GALNT18: variants seen among roughly 807,000 people sequenced by gnomAD.
The protein encoded by GALNT18 is polypeptide N-acetylgalactosaminyltransferase 18.
GALNT18 carries 44 observed loss-of-function variants against 69.5 expected under a neutral mutation model. The observed-to-expected ratio is 0.63, with a 90% CI of 0.50 to 0.81. GALNT18 has a LOEUF of 0.81. Ranked by LOEUF, GALNT18 falls within the 40% of genes least tolerant of loss-of-function variation. The probability of loss-of-function intolerance (pLI) is 0.00; values close to 1 mark genes in which losing one functional copy is unlikely to be tolerated. For synonymous variants in GALNT18, 364 were observed against 318.2 expected (o/e 1.14, Z -1.53); for missense variants, 715 against 810.0 (o/e 0.88, Z 1.42).
rs1048994718 is a variant in GALNT18 at position 11,314,916 on chromosome 11, G to A, written c.1512+12170C>T. Among the ~76,000 whole-genome samples the A allele has an allele frequency of 6.6e-6, 1 of 152,194 alleles. No homozygotes were observed. The highest frequency in any genetic ancestry group is 2.1e-4 in the South Asian group (1 of 4,832). The stretch of plus-strand genomic sequence containing the variant: ...TGGCCTACACACTCAACTATTGGTG[G>A]TGGGGCCTAGGGATATCTTTACATG... On this transcript the variant is annotated intron_variant, in intron 9 of 10. Transcript: ENST00000227756. This position sits in a 1 kb window ranked among gnomAD's most constrained non-coding sequence, Gnocchi z 5.2.
intron 1 of GALNT18, among the ~76,000 whole-genome samples, chr11:11,560,910 G>C (rs1398715727): frequency 3.9e-5 from 6 of 152,198 alleles, no homozygotes; most frequent in Non-Finnish European, 8.8e-5. Flanking sequence ...CTGGGGAGTG[G>C]CAAAGCCTAC....
chr11:11,384,271 G>GT (rs1490788699), intron 3 of GALNT18, among the ~76,000 whole-genome samples: 1 of 152,098 alleles, frequency 6.6e-6, no homozygotes, highest in East Asian at 1.9e-4. Context: ...ATATTAGCCT[G>GT]TTTTTTACTG....
intron 3 of GALNT18, among the ~76,000 whole-genome samples, chr11:11,423,073 C>A (rs749551743): frequency 6.6e-6 from 1 of 152,106 alleles, no homozygotes; most frequent in Non-Finnish European, 1.5e-5. Context: ...TGCGTAAGTG[C>A]GCACACACAG....
At chr11:11,514,770 T>C (rs1248168148) in intron 1 of GALNT18, among the ~76,000 whole-genome samples, 1 of 151,754 alleles carries the variant, frequency 6.6e-6, no homozygotes, top group East Asian at 1.9e-4. Flanking sequence ...CTCAACTGAG[T>C]GGCAGCAGAG....
At chr11:11,572,959 C>T (rs1858827568) in intron 1 of GALNT18, among the ~76,000 whole-genome samples, 1 of 152,160 alleles carries the variant, frequency 6.6e-6, no homozygotes, top group Non-Finnish European at 1.5e-5. Flanking sequence ...TGAGCACCTA[C>T]TCTGTGCAAA....
intron 1 of GALNT18, among the ~76,000 whole-genome samples, chr11:11,481,849 A>G (rs1175959016): frequency 6.6e-6 from 1 of 152,140 alleles, no homozygotes; most frequent in Non-Finnish European, 1.5e-5. Flanking sequence ...TTGAATTATC[A>G]CAGTTGTATC....
chr11:11,355,780 G>A (rs1850518286), intron 6 of GALNT18, among the ~76,000 whole-genome samples: 1 of 152,120 alleles, frequency 6.6e-6, no homozygotes, highest in African/African-American at 2.4e-5. Context: ...ATTTGAAGCA[G>A]GCCTGAGGAA....
chr11:11,322,410 C>T (rs1849854399), intron 9 of GALNT18, among the ~76,000 whole-genome samples: 1 of 152,176 alleles, frequency 6.6e-6, no homozygotes. Context: ...CAACATTTGT[C>T]CAATGGTCCA....
intron 9 of GALNT18, among the ~76,000 whole-genome samples, chr11:11,316,381 G>A (rs893089090): frequency 7.2e-5 from 11 of 152,306 alleles, no homozygotes; most frequent in Admixed American, 3.9e-4. Flanking sequence ...AATTGTCTCT[G>A]AGATGTGACG....
chr11:11,397,526 C>A (rs1287510060), intron 3 of GALNT18, among the ~76,000 whole-genome samples: 3 of 152,174 alleles, frequency 2.0e-5, no homozygotes, highest in African/African-American at 7.2e-5. Flanking sequence ...TGCAATGGCA[C>A]CATCTCGGCT....
In GALNT18 at chr11:11,383,105, T is replaced by C. The variant is rs1409698959; in HGVS notation, c.596-3841A>G. ...AAACCAGCACTACCAGAAGCAGTGA[T>C]GAAACACCACTCACTCCTGGGAGGT... On this transcript the variant is annotated intron_variant, in intron 3 of 10. Transcript: ENST00000227756. This position sits in a 1 kb window ranked among gnomAD's most constrained non-coding sequence, Gnocchi z 5.2. Among the ~76,000 whole-genome samples, 1 of 152,176 alleles carries C rather than the reference T, an allele frequency of 6.6e-6. No homozygotes were observed. The highest frequency in any genetic ancestry group is 1.5e-5 in the Non-Finnish European group (1 of 68,032).
At chr11:11,486,431 G>T (rs116088585) in intron 1 of GALNT18, among the ~76,000 whole-genome samples, 1 of 152,166 alleles carries the variant, frequency 6.6e-6, no homozygotes, top group African/African-American at 2.4e-5. Context: ...TGTCAAGAAG[G>T]GGCAGAGATG....
At chr11:11,355,905 G>C (rs1217050214) in intron 6 of GALNT18, among the ~76,000 whole-genome samples, 1 of 152,238 alleles carries the variant, frequency 6.6e-6, no homozygotes, top group Non-Finnish European at 1.5e-5. Context: ...AGTGAATGGT[G>C]TTCCTGGGCC....
intron 1 of GALNT18, among the ~76,000 whole-genome samples, chr11:11,520,817 G>A (rs149750812): frequency 8.6e-4 from 131 of 152,298 alleles, no homozygotes; most frequent in African/African-American, 2.8e-3. Flanking sequence ...GGGGAGGGGC[G>A]TGGGCCAGGC....
In GALNT18 at chr11:11,347,516, A is replaced by G. The variant is rs540399661; in HGVS notation, c.1093-6512T>C. ...CCACAATTTATTCATTACGGTTACCATGGGTAAGGGACTGGGGTTGGTGGC... is the reference window on the plus strand; with the variant it reads ...CCACAATTTATTCATTACGGTTACCGTGGGTAAGGGACTGGGGTTGGTGGC... On this transcript the variant is annotated intron_variant, in intron 6 of 10. Coordinates refer to ENST00000227756, the MANE Select transcript of GALNT18 (RefSeq NM_198516.3). This position sits in a 1 kb window ranked among gnomAD's most constrained non-coding sequence, Gnocchi z 4.0. Among the ~76,000 whole-genome samples the G allele has an allele frequency of 1.7e-4, 26 of 152,202 alleles. No homozygotes were observed. The highest frequency in any genetic ancestry group is 2.9e-4 in the Non-Finnish European group (20 of 68,026).
At chr11:11,431,403 GC>G (rs1390044126) in intron 3 of GALNT18, among the ~76,000 whole-genome samples, 3 of 152,302 alleles carry the variant, frequency 2.0e-5, no homozygotes, top group Admixed American at 2.0e-4. Flanking sequence ...ATGGTAGGCA[GC>G]CATCAGAGAT....
chr11:11,527,475 TA>T (rs1857548225), intron 1 of GALNT18, among the ~76,000 whole-genome samples: 1 of 152,168 alleles, frequency 6.6e-6, no homozygotes, highest in Non-Finnish European at 1.5e-5. Context: ...TTTTCCTAAG[TA>T]AATGTCCACA....
chr11:11,298,017 G>C (rs948181584), intron 9 of GALNT18, among the ~76,000 whole-genome samples: 1 of 152,234 alleles, frequency 6.6e-6, no homozygotes, highest in East Asian at 1.9e-4. Context: ...GCTGGCCAGG[G>C]AGACCACAGA....
chr11:11,379,939 C>T (rs972537599), intron 3 of GALNT18, among the ~76,000 whole-genome samples: 7 of 152,236 alleles, frequency 4.6e-5, no homozygotes, highest in African/African-American at 1.7e-4. Flanking sequence ...GCCCCCTGAA[C>T]CCTCAGCAAG....
Sources: gnomAD v4.1 joint callset for allele counts (sites outside exome capture counted in the v4.1 genomes callset) on GRCh38, gnomAD v4.1.1 for gene constraint, Gnocchi (gnomAD v3.1) non-coding constraint, MANE v1.5 for transcripts, NCBI Gene and HGNC (gene_info 2026-07-23, HGNC 2026-07-21) for gene names.